Variants in SNX24 observed in about 807,000 individuals in gnomAD.
SNX24 encodes the protein sorting nexin-24.
Under a neutral mutation model 28.7 loss-of-function variants are expected in SNX24, and 22 were observed. The observed-to-expected ratio is 0.77, with a 90% CI of 0.55 to 1.10. SNX24 has a LOEUF of 1.10. Among genes scored for constraint, SNX24 ranks in the 50% least tolerant of loss-of-function variants. The probability of loss-of-function intolerance (pLI) is 0.00; values close to 1 mark genes in which losing one functional copy is unlikely to be tolerated. For missense variants in SNX24, 221 were observed against 201.1 expected, an observed-to-expected ratio of 1.10 and a Z score of -0.60; for synonymous variants, 69 against 71.5, an observed-to-expected ratio of 0.96 and a Z score of 0.18.
intron 3 of SNX24, among the ~76,000 whole-genome samples, chr5:122,972,274 G>C (rs1406890877): frequency 6.6e-6 from 1 of 152,282 alleles, no homozygotes; most frequent in Middle Eastern, 3.4e-3. Flanking sequence ...ACATAATGTC[G>C]AGGGAACAGA....
At chr5:122,984,074 G>C (rs1761497812) in intron 3 of SNX24, among the ~76,000 whole-genome samples, 1 of 152,020 alleles carries the variant, frequency 6.6e-6, no homozygotes, top group Non-Finnish European at 1.5e-5. Flanking sequence ...TCAAAACTGG[G>C]TTTACTGATG....
intron 5 of SNX24, among the ~76,000 whole-genome samples, chr5:123,019,852 A>G (rs1228476601): frequency 6.6e-6 from 1 of 152,244 alleles, no homozygotes; most frequent in African/African-American, 2.4e-5. Flanking sequence ...TCCTATTTTC[A>G]TAGTCATCAG....
At chr5:123,001,626 T>A (rs780446035) in intron 5 of SNX24, among the ~76,000 whole-genome samples, 189 bp downstream of exon 5, 3 of 152,234 alleles carry the variant, frequency 2.0e-5, no homozygotes, top group Non-Finnish European at 4.4e-5. Context: ...ATAAGAGCCC[T>A]ACATTGTTTC....
At chr5:122,965,624 G>A in intron 3 of SNX24, 1 of 294,612 alleles carries the variant, frequency 3.4e-6, no homozygotes, top group South Asian at 3.2e-5. Flanking sequence ...AATGGATGGG[G>A]ATGGCTCACA....
At position 122,972,791 on chromosome 5, in the gene SNX24, G is replaced by GTATAATCA. The variant is rs558964404; in HGVS notation, c.249+26633_249+26640dup. 1.2e-4 allele frequency among the ~76,000 whole-genome samples: 18 copies of GTATAATCA among 152,284 alleles called. No homozygotes were observed. The East Asian group carries it at 3.1e-3, about 26-fold the overall frequency. ...CCTTTTCCATGATGGAAGAGGTCCA[G>GTATAATCA]TATAATCAACCTGCCACCAAGTAGC... On this transcript the variant is annotated intron_variant, in intron 3 of 6. Coordinates refer to ENST00000261369, the MANE Select transcript of SNX24 (RefSeq NM_014035.4).
chr5:122,849,927 A>AG (rs756776283), intron 1 of SNX24, among the ~76,000 whole-genome samples: 1 of 152,142 alleles, frequency 6.6e-6, no homozygotes, highest in African/African-American at 2.4e-5. Flanking sequence ...AGCAGCTCAG[A>AG]GAGTTAGGTG....
chr5:122,984,694 T>A (rs1389562373), intron 3 of SNX24, among the ~76,000 whole-genome samples: 1 of 152,248 alleles, frequency 6.6e-6, no homozygotes, highest in Admixed American at 6.5e-5. Context: ...TATATTCCAG[T>A]TGCAAAATTG....
At chr5:122,873,760 CTTT>C (rs909560379) in intron 1 of SNX24, among the ~76,000 whole-genome samples, 4 of 120,632 alleles carry the variant, frequency 3.3e-5, no homozygotes. Flanking sequence ...CAAAGGGAAT[CTTT>C]TTTTTTTTTT....
intron 3 of SNX24, among the ~76,000 whole-genome samples, chr5:122,991,822 T>C (rs1255755327): frequency 6.6e-6 from 1 of 152,194 alleles, no homozygotes; most frequent in Non-Finnish European, 1.5e-5. Context: ...TTGCCTTTCT[T>C]AGTCTGAAAG....
intron 6 of SNX24, among the ~76,000 whole-genome samples, chr5:123,003,616 A>G (rs1000655465): frequency 6.6e-6 from 1 of 152,238 alleles, no homozygotes; most frequent in African/African-American, 2.4e-5. Context: ...GATACTTGAT[A>G]GAAGAGGGAA....
At chr5:122,989,061 T>C (rs1761723267) in intron 3 of SNX24, among the ~76,000 whole-genome samples, 1 of 152,224 alleles carries the variant, frequency 6.6e-6, no homozygotes, top group African/African-American at 2.4e-5. Context: ...TCTCTCTCTT[T>C]TTATAGCAAT....
At chr5:122,858,845 A>C (rs912708829) in intron 1 of SNX24, among the ~76,000 whole-genome samples, 8 of 152,164 alleles carry the variant, frequency 5.3e-5, no homozygotes, top group Admixed American at 5.2e-4. Context: ...ATAAAACTGT[A>C]TTTATTATTT....
intron 5 of SNX24, among the ~76,000 whole-genome samples, chr5:123,017,869 C>A (rs183656152): frequency 3.0e-4 from 45 of 152,130 alleles, no homozygotes; most frequent in Non-Finnish European, 6.2e-4. Flanking sequence ...AAACATCTTT[C>A]TTTTGTAAAT....
intron 1 of SNX24, among the ~76,000 whole-genome samples, chr5:122,852,549 C>T (rs1353772589): frequency 1.3e-5 from 2 of 152,012 alleles, no homozygotes; most frequent in Admixed American, 1.3e-4. Flanking sequence ...CACCATGTTG[C>T]CCAGGCTGGT....
intron 1 of SNX24, among the ~76,000 whole-genome samples, chr5:122,865,519 A>G (rs1346376536): frequency 1.3e-5 from 2 of 152,092 alleles, no homozygotes; most frequent in East Asian, 1.9e-4. Context: ...TTAGTAGAGT[A>G]GTAGAGATGA....
intron 3 of SNX24, among the ~76,000 whole-genome samples, chr5:122,959,185 G>T (rs748233195): frequency 6.6e-6 from 1 of 151,674 alleles, no homozygotes; most frequent in Non-Finnish European, 1.5e-5. Flanking sequence ...GACCTGTTCA[G>T]ATTTTCTAGT....
intron 3 of SNX24, among the ~76,000 whole-genome samples, chr5:122,968,162 T>C (rs1181018809): frequency 6.6e-6 from 1 of 152,114 alleles, no homozygotes; most frequent in African/African-American, 2.4e-5. Context: ...AAAACCAACA[T>C]GGTGAAACTC....
At chr5:122,860,231 A>C (rs550891006) in intron 1 of SNX24, among the ~76,000 whole-genome samples, 11 of 152,286 alleles carry the variant, frequency 7.2e-5, no homozygotes, top group African/African-American at 2.6e-4. Context: ...TGCCAGAGTC[A>C]GGTTGGAAAG....
intron 3 of SNX24, among the ~76,000 whole-genome samples, chr5:122,973,884 G>A (rs1267336068): frequency 1.3e-5 from 2 of 152,194 alleles, no homozygotes; most frequent in Non-Finnish European, 2.9e-5. Context: ...TCACCTATGA[G>A]GGCCTGCCAA....
Sources: allele counts gnomAD v4.1 joint callset (sites outside exome capture counted in the v4.1 genomes callset), GRCh38; gene constraint gnomAD v4.1.1; transcripts MANE v1.5; gene names NCBI Gene and HGNC (gene_info 2026-07-23, HGNC 2026-07-21).